DPP10: variants seen among roughly 807,000 people sequenced by gnomAD.
DPP10 encodes dipeptidyl peptidase like 10.
A neutral mutation model predicts 120.9 loss-of-function variants in DPP10; 33 were observed. The observed-to-expected ratio is 0.27, with a 90% confidence interval of 0.21 to 0.37. The LOEUF is 0.37. DPP10 is among the 10% of genes least tolerant of loss of function. DPP10 has a pLI of 1.00. For synonymous variants in DPP10, 337 were observed against 326.1 expected (o/e 1.03, Z -0.36); for missense variants, 816 against 942.8 (o/e 0.87, Z 1.76).
intron 1 of DPP10, among the ~76,000 whole-genome samples, chr2:114,895,847 T>C (rs1003870024): frequency 1.3e-5 from 2 of 152,202 alleles, no homozygotes; most frequent in African/African-American, 4.8e-5. Flanking sequence ...TTTTCTTTTC[T>C]TTGCTGTAAA....
At chr2:115,764,207 A>G (rs556407159) in intron 12 of DPP10, among the ~76,000 whole-genome samples, 4 of 152,252 alleles carry the variant, frequency 2.6e-5, no homozygotes, top group South Asian at 4.1e-4. Flanking sequence ...ATAGAATTCA[A>G]TATGTAAGAA....
chr2:115,084,637 C>A (rs1468874146), intron 1 of DPP10, among the ~76,000 whole-genome samples: 3 of 152,282 alleles, frequency 2.0e-5, no homozygotes, highest in Middle Eastern at 3.4e-3. Context: ...TTGGGAAAAG[C>A]TGGTCAGGAA....
intron 3 of DPP10, among the ~76,000 whole-genome samples, chr2:115,478,903 A>T (rs756358790): frequency 6.6e-6 from 1 of 152,172 alleles, no homozygotes; most frequent in Non-Finnish European, 1.5e-5. Flanking sequence ...AGTAAATAGA[A>T]AATATTTGGT....
At chr2:114,517,768 C>T (rs1022025549) in intron 1 of DPP10, among the ~76,000 whole-genome samples, 2 of 152,160 alleles carry the variant, frequency 1.3e-5, no homozygotes, top group African/African-American at 2.4e-5. Context: ...TAAAGTTTAA[C>T]GGGAAAGCTG....
At position 115,015,690 on chromosome 2, in the gene DPP10, T is replaced by C. The variant is rs540700740; in HGVS notation, c.61-293549T>C. 9.8e-4 allele frequency among the ~76,000 whole-genome samples: 149 copies of C among 152,118 alleles called. 1 individual carries two copies. The Middle Eastern group carries it at 0.02, about 21-fold the overall frequency. ...ATCAACATGCAAAATTCACAAACAATCCTATACACCAATAATAGACATACA... is the reference window on the plus strand; with the variant it reads ...ATCAACATGCAAAATTCACAAACAACCCTATACACCAATAATAGACATACA... On this transcript the variant is annotated intron_variant, in intron 1 of 25. Coordinates refer to ENST00000410059, the MANE Select transcript of DPP10 (RefSeq NM_020868.6).
chr2:115,569,249 G>A (rs1558863566), intron 5 of DPP10, among the ~76,000 whole-genome samples: 1 of 152,146 alleles, frequency 6.6e-6, no homozygotes, highest in Non-Finnish European at 1.5e-5. Context: ...TATATATGCT[G>A]CATCAGATAA....
chr2:114,733,133 C>G (rs560727578), intron 1 of DPP10, among the ~76,000 whole-genome samples: 44 of 152,318 alleles, frequency 2.9e-4, no homozygotes, highest in Middle Eastern at 3.4e-3. Flanking sequence ...GAGAAGGGAG[C>G]TGGTAAGAAG....
At chr2:114,697,260 G>A (rs1371863941) in intron 1 of DPP10, among the ~76,000 whole-genome samples, 1 of 151,910 alleles carries the variant, frequency 6.6e-6, no homozygotes, top group African/African-American at 2.4e-5. Flanking sequence ...GTAACTCTTT[G>A]GTGCATATTA....
intron 1 of DPP10, among the ~76,000 whole-genome samples, chr2:114,642,800 T>A (rs990747194): frequency 6.6e-6 from 1 of 151,918 alleles, no homozygotes; most frequent in African/African-American, 2.4e-5. Context: ...TTGTTGTAGA[T>A]ACTGGGATTA....
At chr2:115,286,526 A>ATATATATATATATAATATATATATATAT in intron 1 of DPP10, among the ~76,000 whole-genome samples, 1 of 60,954 alleles carries the variant, frequency 1.6e-5, no homozygotes, top group South Asian at 5.2e-4. Context: ...ATATATATAT[A>ATATATATATATATAATATATATATATAT]ATATATATAT....
chr2:115,103,226 C>G (rs576534415), intron 1 of DPP10, among the ~76,000 whole-genome samples: 3 of 129,812 alleles, frequency 2.3e-5, no homozygotes, highest in African/African-American at 8.7e-5. Context: ...CTCACTGTGT[C>G]GCCCAGGCTG....
intron 5 of DPP10, among the ~76,000 whole-genome samples, chr2:115,632,107 C>T (rs1207456189): frequency 6.6e-6 from 1 of 152,132 alleles, no homozygotes; most frequent in Non-Finnish European, 1.5e-5. Context: ...GTATTGGGTA[C>T]ATATATATTT....
intron 1 of DPP10, among the ~76,000 whole-genome samples, chr2:114,688,617 T>A (rs1699524106): frequency 6.6e-6 from 1 of 152,128 alleles, no homozygotes; most frequent in African/African-American, 2.4e-5. Context: ...AACTACAAAG[T>A]ACCTCCCTTG....
intron 5 of DPP10, among the ~76,000 whole-genome samples, chr2:115,539,232 C>G (rs903086537): frequency 6.6e-6 from 1 of 151,856 alleles, no homozygotes; most frequent in Non-Finnish European, 1.5e-5. Flanking sequence ...AAGGAAAACT[C>G]TGGAAAATAT....
chr2:115,227,527 A>T (rs1283882359), intron 1 of DPP10, among the ~76,000 whole-genome samples: 2 of 152,140 alleles, frequency 1.3e-5, no homozygotes, highest in Non-Finnish European at 2.9e-5. Context: ...CACTATTAGG[A>T]TACAGAATAG....
intron 3 of DPP10, among the ~76,000 whole-genome samples, chr2:115,351,650 T>G (rs960327246): frequency 1.3e-5 from 2 of 152,106 alleles, no homozygotes; most frequent in African/African-American, 4.8e-5. Flanking sequence ...TAAATCATGG[T>G]TATCAAGGCT....
chr2:115,410,819 A>T (rs2068897002), intron 3 of DPP10, among the ~76,000 whole-genome samples: 1 of 152,208 alleles, frequency 6.6e-6, no homozygotes, highest in African/African-American at 2.4e-5. Context: ...TATTTAAATA[A>T]TAATAATTAA....
chr2:115,421,525 G>A (rs1400859460), intron 3 of DPP10, among the ~76,000 whole-genome samples: 3 of 152,000 alleles, frequency 2.0e-5, no homozygotes, highest in African/African-American at 7.2e-5. Flanking sequence ...ATAAAAACAG[G>A]AAGGAATTCC....
chr2:115,121,564 C>G (rs1400689340), intron 1 of DPP10, among the ~76,000 whole-genome samples: 1 of 152,160 alleles, frequency 6.6e-6, no homozygotes, highest in East Asian at 1.9e-4. Context: ...CATCCTTTTT[C>G]CAGTGGCTGA....
Sources: allele counts gnomAD v4.1 joint callset (sites outside exome capture counted in the v4.1 genomes callset), GRCh38; gene constraint gnomAD v4.1.1; transcripts MANE v1.5; gene names NCBI Gene and HGNC (gene_info 2026-07-23, HGNC 2026-07-21).